The following DYNC2LI1 variants were observed in gnomAD, a reference collection of about 807,000 sequenced individuals.
DYNC2LI1 encodes the protein cytoplasmic dynein 2 light intermediate chain 1.
Under a neutral mutation model 51.9 loss-of-function variants are expected in DYNC2LI1, and 45 were observed. That is an observed-to-expected ratio of 0.87 (90% confidence interval 0.68 to 1.11). DYNC2LI1 has a LOEUF of 1.11. Among genes scored for constraint, DYNC2LI1 ranks in the 50% most tolerant of loss-of-function variants. DYNC2LI1 has a pLI of 0.00. For synonymous variants in DYNC2LI1, 130 were observed against 137.8 expected (o/e 0.94, Z 0.40); for missense variants, 490 against 417.4 (o/e 1.17, Z -1.51).
chr2:43,821,532 C>A, the DYNC2LI1 span, among the ~76,000 whole-genome samples: 1 of 152,180 alleles, frequency 6.6e-6, no homozygotes, highest in Non-Finnish European at 1.5e-5. Flanking sequence ...CCCTCACTGC[C>A]GCAGATGCTG....
At chr2:43,814,597 AAAAG>A (rs1666697577), downstream of DYNC2LI1, 1 of 1,522,002 alleles carries the variant, frequency 6.6e-7, no homozygotes, top group South Asian at 1.1e-5. Context: ...TTTCTTAAGA[AAAAG>A]AAAACAAAAA....
At chr2:43,810,655 A>T, downstream of DYNC2LI1, 4 of 342,980 alleles carry the variant, frequency 1.2e-5, no homozygotes, top group Non-Finnish European at 1.6e-5. Flanking sequence ...AGCAGATAGC[A>T]AGCCATCTGC....
chr2:43,807,743 CAAAAAAAAAAAAAAAAAAA>C (rs536977133), intron 12 of DYNC2LI1, among the ~76,000 whole-genome samples: 1 of 41,616 alleles, frequency 2.4e-5, no homozygotes, highest in African/African-American at 7.2e-5. Context: ...TTTGTTAAAG[CAAAAAAAAAAAAAAAAAAA>C]AAAAAAAAAA....
chr2:43,776,686 C>T (rs1353433422), intron 1 of DYNC2LI1, 96 bp from the exon 2 acceptor site: 1 of 587,838 alleles, frequency 1.7e-6, no homozygotes, highest in East Asian at 3.0e-5. Flanking sequence ...TCATTTGTTT[C>T]ATAAATTATA....
At chr2:43,821,350 C>T in the DYNC2LI1 span, among the ~76,000 whole-genome samples, 2 of 152,344 alleles carry the variant, frequency 1.3e-5, no homozygotes, top group African/African-American at 2.4e-5. Context: ...GAGCCATCCA[C>T]ATCAGTGGTT....
At chr2:43,801,523 T>C in intron 9 of DYNC2LI1, 116 bp from the exon 10 acceptor site, 1 of 647,962 alleles carries the variant, frequency 1.5e-6, no homozygotes, top group East Asian at 2.7e-5. Flanking sequence ...GGGGCAATGC[T>C]CTCATTAGTG....
At chr2:43,779,824 T>G (rs938016389) in intron 2 of DYNC2LI1, among the ~76,000 whole-genome samples, 1 of 152,184 alleles carries the variant, frequency 6.6e-6, no homozygotes, top group Non-Finnish European at 1.5e-5. Context: ...TGACTGCCAT[T>G]TTGATGATGG....
chr2:43,811,872 G>T (rs914320176), downstream of DYNC2LI1, among the ~76,000 whole-genome samples: 1 of 152,088 alleles, frequency 6.6e-6, no homozygotes, highest in African/African-American at 2.4e-5. Flanking sequence ...GGGATTACAG[G>T]CATGAGCCAC....
chr2:43,810,664 G>A (rs1666449726), downstream of DYNC2LI1, among the ~76,000 whole-genome samples: 1 of 152,204 alleles, frequency 6.6e-6, no homozygotes, highest in South Asian at 2.1e-4. Flanking sequence ...CAAGCCATCT[G>A]CTTATTGCAA....
chr2:43,826,325 C>T, the DYNC2LI1 span: 1 of 1,611,826 alleles, frequency 6.2e-7, no homozygotes, highest in Non-Finnish European at 8.5e-7. Context: ...GCCCCTGCCC[C>T]TGTGATTCCC....
rs182865911 is a variant in DYNC2LI1, at chr2:43,790,541, G to A, written c.320+820G>A. ...GGCTGGATACGGTTGGTTTTATTTG[G>A]TCTTTTTTTTTTTCCTTTTAGTGAA... On this transcript the variant is annotated intron_variant, in intron 5 of 12. Coordinates refer to ENST00000260605, the MANE Select transcript of DYNC2LI1 (RefSeq NM_016008.4). 4.5e-3 allele frequency among the ~76,000 whole-genome samples: 664 copies of A among 147,754 alleles called. 2 individuals carry two copies. The highest frequency in any genetic ancestry group is 7.8e-3 in the Non-Finnish European group (527 of 67,342).
At chr2:43,813,939 G>A (rs1666652471), downstream of DYNC2LI1, among the ~76,000 whole-genome samples, 2 of 151,760 alleles carry the variant, frequency 1.3e-5, no homozygotes, top group South Asian at 4.2e-4. Flanking sequence ...GGCTGGTCTC[G>A]AACTCTTGAC....
At chr2:43,825,443 A>G in the DYNC2LI1 span, among the ~76,000 whole-genome samples, 28 of 152,214 alleles carry the variant, frequency 1.8e-4, no homozygotes, top group African/African-American at 6.5e-4. Context: ...ATAGCTAACT[A>G]AAGGGATACT....
intron 3 of DYNC2LI1, among the ~76,000 whole-genome samples, chr2:43,784,116 A>G (rs1673412132): frequency 6.6e-6 from 1 of 152,310 alleles, no homozygotes; most frequent in Non-Finnish European, 1.5e-5. Context: ...GAATACATAT[A>G]TCTTATAACT....
chr2:43,826,280 G>T, the DYNC2LI1 span: 1 of 1,553,500 alleles, frequency 6.4e-7, no homozygotes, highest in African/African-American at 1.4e-5. Context: ...AATTACAAGT[G>T]TGAGCCACTG....
At chr2:43,823,058 C>T in the DYNC2LI1 span, 1 of 1,373,744 alleles carries the variant, frequency 7.3e-7, no homozygotes, top group Non-Finnish European at 1.0e-6. Flanking sequence ...GGGGGGTTCC[C>T]TAGTCATAGA....
downstream of DYNC2LI1, among the ~76,000 whole-genome samples, chr2:43,811,047 G>GT (rs1245515611): frequency 6.6e-6 from 1 of 152,152 alleles, no homozygotes; most frequent in Non-Finnish European, 1.5e-5. Flanking sequence ...TTTTCCAAAT[G>GT]TTTCTGAGCT....
chr2:43,802,491 T>C (rs1666108560), intron 10 of DYNC2LI1, among the ~76,000 whole-genome samples: 1 of 151,468 alleles, frequency 6.6e-6, no homozygotes. Flanking sequence ...ATGAAAGGAA[T>C]GGAGGTGATT....
chr2:43,804,212 A>G (rs927012264), intron 10 of DYNC2LI1, among the ~76,000 whole-genome samples: 1 of 152,214 alleles, frequency 6.6e-6, no homozygotes, highest in African/African-American at 2.4e-5. Flanking sequence ...GAGCATGGCT[A>G]TGCATAGTAA....
Sources: allele counts gnomAD v4.1 joint callset (sites outside exome capture counted in the v4.1 genomes callset), GRCh38; gene constraint gnomAD v4.1.1; transcripts MANE v1.5; gene names NCBI Gene and HGNC (gene_info 2026-07-23, HGNC 2026-07-21).